SDC3: variants seen among roughly 807,000 people sequenced by gnomAD.
SDC3 encodes the protein syndecan-3.
Under a neutral mutation model 24.4 loss-of-function variants are expected in SDC3, and 13 were observed. The observed-to-expected ratio is 0.53, with a 90% CI of 0.35 to 0.85. The LOEUF is 0.85. Ranked by LOEUF, SDC3 falls within the 40% of genes least tolerant of loss-of-function variation. The pLI is 0.01. For synonymous variants in SDC3, 295 were observed against 260.9 expected (o/e 1.13, Z -1.26); for missense variants, 571 against 584.5 (o/e 0.98, Z 0.24).
Position 30,877,321 on chromosome 1 carries a change from GC to G in SDC3, c.257-157del, listed in dbSNP as rs970585339. Reference sequence around the variant, plus strand: ...AGATGAGAGAAAGGAGGAAGGCACAGCCCAGCTAAAGGTGGTCAGTTGCTGA... The same window carrying G: ...AGATGAGAGAAAGGAGGAAGGCACAGCCAGCTAAAGGTGGTCAGTTGCTGA... On this transcript the variant is annotated intron_variant, in intron 2 of 4. Transcript: ENST00000339394. 6 of 1,018,722 alleles carry G rather than the reference GC, an allele frequency of 5.9e-6. No homozygotes were observed. The Admixed American group carries it at 9.2e-5, about 16-fold the overall frequency. 63.1% of individuals were successfully genotyped at this position (1,018,722 alleles called of 1,614,324 possible).
At chr1:30,882,085 C>A (rs1309604047) in intron 1 of SDC3, among the ~76,000 whole-genome samples, 1 of 152,146 alleles carries the variant, frequency 6.6e-6, no homozygotes. Flanking sequence ...CAGGCACTCC[C>A]AACACCCTGC....
At chr1:30,879,484 C>G (rs1639705286) in intron 1 of SDC3, among the ~76,000 whole-genome samples, 1 of 152,172 alleles carries the variant, frequency 6.6e-6, no homozygotes, top group Non-Finnish European at 1.5e-5. Context: ...TTTTCCCCAG[C>G]TCCCCTCTGC....
chr1:30,876,810 C>G lies in SDC3; in HGVS notation c.612G>C (p.Arg204Ser). The change falls in exon 3 of 5, where the codon AGG becomes AGC. Residue 204 changes from arginine to serine, a missense_variant. Coordinates refer to ENST00000339394, the MANE Select transcript of SDC3 (RefSeq NM_014654.4). ...GCAGAAGCCTCCGTACGCCAGTGGT[C>G]CTTATAACAGCAGTGGTGGCCGTAA... ...PPFTATTAVI[R>S]TTGVRRLLPL... 6.2e-7 allele frequency: 1 copy of G among 1,608,622 alleles called. No homozygotes were observed. The highest frequency in any genetic ancestry group is 1.7e-4 in the Middle Eastern group (1 of 6,002).
chr1:30,899,946 C>T lies in SDC3; in HGVS notation c.138+8503G>A, dbSNP rs896558193. ...GAGCAACGCAGTCAATCAAGACAGGCGCCCATGCAGGAGCCCACACGTCTG... is the reference window on the plus strand; with the variant it reads ...GAGCAACGCAGTCAATCAAGACAGGTGCCCATGCAGGAGCCCACACGTCTG... On this transcript the variant is annotated intron_variant, in intron 1 of 4. Coordinates refer to ENST00000339394, the MANE Select transcript of SDC3 (RefSeq NM_014654.4). 3.3e-5 allele frequency among the ~76,000 whole-genome samples: 5 copies of T among 152,314 alleles called. No homozygotes were observed. The South Asian group carries it at 8.3e-4, about 25-fold the overall frequency.
intron 1 of SDC3, 102 bp downstream of exon 1, chr1:30,908,347 G>T: frequency 1.6e-6 from 1 of 620,590 alleles, no homozygotes; most frequent in Non-Finnish European, 2.0e-6. Flanking sequence ...CCGGGGGGGA[G>T]GGAGCGGGGT....
intron 1 of SDC3, among the ~76,000 whole-genome samples, chr1:30,906,196 CAA>C (rs1330263809): frequency 6.6e-6 from 1 of 152,182 alleles, no homozygotes; most frequent in Non-Finnish European, 1.5e-5. Context: ...CTTTTCCTCC[CAA>C]GTCAGATGAG....
chr1:30,892,258 T>C (rs1639917189), intron 1 of SDC3, among the ~76,000 whole-genome samples: 3 of 151,994 alleles, frequency 2.0e-5, no homozygotes. Flanking sequence ...ATCAAACTGC[T>C]TCAGGTCTCA....
intron 1 of SDC3, among the ~76,000 whole-genome samples, chr1:30,906,651 G>A (rs1378647010): frequency 6.6e-6 from 1 of 152,042 alleles, no homozygotes; most frequent in Non-Finnish European, 1.5e-5. Context: ...TCATCCCATT[G>A]AATTTTTGCC....
At chr1:30,888,088 G>A (rs920793755) in intron 1 of SDC3, among the ~76,000 whole-genome samples, 1 of 152,260 alleles carries the variant, frequency 6.6e-6, no homozygotes, top group Non-Finnish European at 1.5e-5. Context: ...TCTCAACCAG[G>A]ACTGGAAGAA....
intron 1 of SDC3, among the ~76,000 whole-genome samples, chr1:30,901,947 G>A (rs950320630): frequency 1.3e-5 from 2 of 152,210 alleles, no homozygotes; most frequent in African/African-American, 4.8e-5. Context: ...CGGGTTCAGA[G>A]AGGTTAGGTG....
chr1:30,908,201 T>C (rs1285964167), intron 1 of SDC3, among the ~76,000 whole-genome samples: 1 of 145,834 alleles, frequency 6.9e-6, no homozygotes, highest in East Asian at 2.1e-4. Context: ...CCCCCGAAGA[T>C]GACCAGCGGC....
At chr1:30,901,159 A>G (rs1570029284) in intron 1 of SDC3, among the ~76,000 whole-genome samples, 1 of 152,148 alleles carries the variant, frequency 6.6e-6, no homozygotes, top group Non-Finnish European at 1.5e-5. Context: ...GGGGAATCCC[A>G]CCAGCCCCTC....
intron 1 of SDC3, among the ~76,000 whole-genome samples, chr1:30,907,627 A>T (rs1206221558): frequency 1.3e-5 from 2 of 152,028 alleles, no homozygotes; most frequent in Admixed American, 1.3e-4. Flanking sequence ...CATCATGCAC[A>T]ATGGGTCACC....
chr1:30,879,461 A>T (rs1001916246), intron 1 of SDC3, among the ~76,000 whole-genome samples: 2 of 152,172 alleles, frequency 1.3e-5, no homozygotes, highest in Non-Finnish European at 2.9e-5. Flanking sequence ...AGCTCAGAGC[A>T]GTAGGGCCCA....
chr1:30,898,440 T>A (rs1037860174), intron 1 of SDC3, among the ~76,000 whole-genome samples: 2 of 152,164 alleles, frequency 1.3e-5, no homozygotes, highest in African/African-American at 4.8e-5. Flanking sequence ...GGGTCCCTAG[T>A]GCTCGGCTGA....
intron 2 of SDC3, chr1:30,877,429 C>G (rs1639664830): frequency 1.7e-6 from 1 of 603,680 alleles, no homozygotes; most frequent in Admixed American, 2.9e-5. Context: ...TTCCTGCCCA[C>G]CCAGCCTACA....
chr1:30,869,645 G>C lies in SDC3; in HGVS notation c.*3566C>G. 1 of 398,076 alleles carries C rather than the reference G, an allele frequency of 2.5e-6. No homozygotes were observed. Among genetic ancestry groups the C allele is most frequent in the South Asian group, 1.3e-4 (1 of 7,844 alleles). The allele number at this position is 398,076 out of a possible 1,614,324, so 24.7% of individuals were successfully genotyped here. A position where few individuals can be genotyped will look rare whatever the true frequency, so the allele number is the denominator to read the frequency against. On this transcript the variant is annotated 3_prime_UTR_variant, in exon 5 of 5. Coordinates refer to ENST00000339394, the MANE Select transcript of SDC3 (RefSeq NM_014654.4). ...GGCGCCTTGGTCTCTTTTTTCCACT[G>C]TCTTTTTCTTTTGTTTTTCTTATTT... is the stretch of plus-strand genomic sequence containing the variant.
rs1639655984 is a variant in SDC3 at position 30,877,046 on chromosome 1, A to G, written c.376T>C (p.Phe126Leu). The G allele has an allele frequency of 6.2e-7, 1 of 1,613,746 alleles. No individual in the cohort carries two copies. Among genetic ancestry groups the G allele is most frequent in the Non-Finnish European group, 8.5e-7 (1 of 1,179,966 alleles). ...TTNIQPVGTP[F>L]EELPSERPTL... ...GGGCGCTCAGAGGGGAGCTCTTCAA[A>G]TGGTGTGCCCACAGGCTGGATGTTC... Residue 126 changes from phenylalanine (F) to leucine (L), a missense_variant, in exon 3 of 5, where the codon TTT (phenylalanine) becomes CTT (leucine). Phe to Leu is a conservative substitution (Grantham distance 22, BLOSUM62 0). Around this residue, in one of 2 missense-constraint regions of SDC3, gnomAD observed 497 missense variants for 471.6 expected, o/e 1.05. Coordinates refer to ENST00000339394, the MANE Select transcript of SDC3 (RefSeq NM_014654.4).
At chr1:30,905,496 C>A (rs983719200) in intron 1 of SDC3, among the ~76,000 whole-genome samples, 1 of 151,708 alleles carries the variant, frequency 6.6e-6, no homozygotes, top group Non-Finnish European at 1.5e-5. Context: ...TAGGTGCCAG[C>A]CACTGGGCTA....
Sources: allele counts gnomAD v4.1 joint callset (sites outside exome capture counted in the v4.1 genomes callset), GRCh38; gene constraint gnomAD v4.1.1; regional missense constraint gnomAD v4.1.1; transcripts MANE v1.5; gene names NCBI Gene and HGNC (gene_info 2026-07-23, HGNC 2026-07-21).